Variants in PTPRN2 observed in about 807,000 individuals in gnomAD.
The protein encoded by PTPRN2 is receptor-type tyrosine-protein phosphatase N2.
A neutral mutation model predicts 118.8 loss-of-function variants in PTPRN2; 74 were observed. The ratio of observed to expected loss-of-function variants is 0.62; its 90% CI spans 0.52 to 0.76. PTPRN2 has a LOEUF of 0.76. Ranked by LOEUF, PTPRN2 falls within the 30% of genes least tolerant of loss-of-function variation. The pLI is 0.00. For missense variants in PTPRN2, 1,481 were observed against 1,394.4 expected (o/e 1.06, Z -0.99); for synonymous variants, 641 against 608.0 (o/e 1.05, Z -0.80).
intron 17 of PTPRN2, among the ~76,000 whole-genome samples, chr7:157,580,274 A>T (rs183205143): frequency 6.6e-6 from 1 of 152,308 alleles, no homozygotes; most frequent in Non-Finnish European, 1.5e-5. Flanking sequence ...GAAGTAAATA[A>T]TGACCCAGGA....
At chr7:158,414,151 T>C (rs1430288373) in intron 2 of PTPRN2, among the ~76,000 whole-genome samples, 10 of 148,990 alleles carry the variant, frequency 6.7e-5, no homozygotes, top group Admixed American at 6.7e-4. Flanking sequence ...GCAAATCCTC[T>C]ACCAAGTGAG....
chr7:157,855,131 C>T lies in PTPRN2; in HGVS notation c.1788+43542G>A, dbSNP rs180712652. On this transcript the variant is annotated intron_variant, in intron 12 of 22. Coordinates refer to ENST00000389418, the MANE Select transcript of PTPRN2 (RefSeq NM_002847.5). ...GGCCGGATCGGGGAGGATGGCTGCA[C>T]GGTTGCAGGGGTGTGTGCGGGGCCG... 3.8e-3 allele frequency among the ~76,000 whole-genome samples: 517 copies of T among 136,530 alleles called. 3 individuals carry two copies. The highest frequency in any genetic ancestry group is 5.8e-3 in the Non-Finnish European group (339 of 58,206). The allele number at this position is 136,530 out of a possible 152,430, so 89.6% of individuals were successfully genotyped here.
chr7:158,342,946 G>T (rs2151242119), intron 2 of PTPRN2, among the ~76,000 whole-genome samples: 1 of 152,292 alleles, frequency 6.6e-6, no homozygotes, highest in East Asian at 1.9e-4. Context: ...ACAAGTGCTG[G>T]GTTCTTTTCA....
At chr7:158,181,752 G>A (rs527556072) in intron 5 of PTPRN2, among the ~76,000 whole-genome samples, 8 of 152,130 alleles carry the variant, frequency 5.3e-5, no homozygotes, top group South Asian at 2.1e-4. Context: ...CATAATAGTC[G>A]TGAATAATCT....
chr7:157,670,293 T>TC, intron 13 of PTPRN2, among the ~76,000 whole-genome samples: 1 of 152,256 alleles, frequency 6.6e-6, no homozygotes, highest in South Asian at 2.1e-4. Flanking sequence ...ACCGACGTGC[T>TC]GAAACCCGAC....
rs545038713 is a variant in PTPRN2, at chr7:157,869,862, C to A, written c.1788+28811G>T. On this transcript the variant is annotated intron_variant, in intron 12 of 22. Transcript: ENST00000389418. This position sits in a 1 kb window ranked among gnomAD's most constrained non-coding sequence, Gnocchi z 4.2. ...CACATAATAAGCAGATGTTATTTTT[C>A]TCTGGCCCTCCAGAAAGTCAACATG... is the stretch of plus-strand genomic sequence containing the variant. 6.6e-6 allele frequency among the ~76,000 whole-genome samples: 1 copy of A among 152,304 alleles called. No homozygotes were observed. The highest frequency in any genetic ancestry group is 6.5e-5 in the Admixed American group (1 of 15,304).
chr7:158,428,624 A>G (rs1378581728), intron 2 of PTPRN2, among the ~76,000 whole-genome samples: 1 of 152,194 alleles, frequency 6.6e-6, no homozygotes, highest in Non-Finnish European at 1.5e-5. Flanking sequence ...CCTGCAAGGT[A>G]TCTGTCACAG....
chr7:158,053,778 TGCAGAGACTCCAGAGAC>T (rs1563365811), intron 11 of PTPRN2, among the ~76,000 whole-genome samples: 2 of 140,154 alleles, frequency 1.4e-5, no homozygotes, highest in Non-Finnish European at 3.0e-5. Flanking sequence ...ACCCCAGAAA[TGCAGAGACTCCAGAGAC>T]GCAGAGACTC....
chr7:158,387,389 C>T (rs1037875885), intron 2 of PTPRN2, among the ~76,000 whole-genome samples: 2 of 152,244 alleles, frequency 1.3e-5, no homozygotes, highest in African/African-American at 2.4e-5. Flanking sequence ...TCACTGCCTT[C>T]GCTGGGGTCT....
intron 12 of PTPRN2, among the ~76,000 whole-genome samples, chr7:157,795,425 G>C (rs949635754): frequency 6.6e-6 from 1 of 152,244 alleles, no homozygotes. Flanking sequence ...CCTCCCCAGG[G>C]GGCTGAGGCT....
chr7:158,166,840 A>C, intron 6 of PTPRN2, 91 bp downstream of exon 6: 1 of 1,366,368 alleles, frequency 7.3e-7, no homozygotes, highest in Non-Finnish European at 9.5e-7. Flanking sequence ...TGCAGACCCC[A>C]CGTGTGGGAA....
In PTPRN2 at chr7:157,614,550, A is replaced by G. The variant is rs566487628; in HGVS notation, c.2344+6812T>C. Among the ~76,000 whole-genome samples, 7 of 152,336 alleles carry G rather than the reference A, an allele frequency of 4.6e-5. No individual in the cohort carries two copies. In the East Asian group the frequency reaches 1.4e-3, roughly 29 times the overall value. ...GTGGAAAAAACAAAACAGACAACAG[A>G]TAACAGACCGTGTTGTAGAGAAAGC... On this transcript the variant is annotated intron_variant, in intron 15 of 22. Transcript: ENST00000389418.
At position 157,785,099 on chromosome 7, in the gene PTPRN2, G is replaced by A. The variant is rs765504802; in HGVS notation, c.1789-102162C>T. 5.3e-5 allele frequency among the ~76,000 whole-genome samples: 8 copies of A among 152,184 alleles called. No homozygotes were observed. Among genetic ancestry groups the A allele is most frequent in the Admixed American group, 1.3e-4 (2 of 15,290 alleles). The stretch of plus-strand genomic sequence containing the variant: ...ATAGGAGTTGAACAAAGCTGTGTGT[G>A]TGTTTCCAGAATGTTGGCACAGCGG... On this transcript the variant is annotated intron_variant, in intron 12 of 22. Coordinates refer to ENST00000389418, the MANE Select transcript of PTPRN2 (RefSeq NM_002847.5). This position sits in a 1 kb window ranked among gnomAD's most constrained non-coding sequence, Gnocchi z 7.3.
At chr7:158,198,529 T>G (rs1182229198) in intron 4 of PTPRN2, among the ~76,000 whole-genome samples, 2 of 152,200 alleles carry the variant, frequency 1.3e-5, no homozygotes, top group African/African-American at 4.8e-5. Context: ...ATATCCAACC[T>G]TCATGGCCAC....
chr7:157,693,473 A>G (rs1797619020), intron 12 of PTPRN2, among the ~76,000 whole-genome samples: 1 of 152,072 alleles, frequency 6.6e-6, no homozygotes, highest in Non-Finnish European at 1.5e-5. Flanking sequence ...CCGCTGGGGC[A>G]TTGGGGCATC....
rs544573005 is a variant in PTPRN2 at position 157,909,831 on chromosome 7, C to G, written c.1724-11094G>C. Among the ~76,000 whole-genome samples the G allele has an allele frequency of 2.6e-5, 4 of 152,338 alleles. No individual in the cohort carries two copies. In the East Asian group the frequency reaches 7.7e-4, roughly 29 times the overall value. On this transcript the variant is annotated intron_variant, in intron 11 of 22. Coordinates refer to ENST00000389418, the MANE Select transcript of PTPRN2 (RefSeq NM_002847.5). The stretch of plus-strand genomic sequence containing the variant: ...CAGTTCCACAAAGCGAGGATTTGCC[C>G]TAGTGCTTAGAACACTGTCCAGCAC...
At chr7:158,121,431 G>C (rs1425646526) in intron 9 of PTPRN2, among the ~76,000 whole-genome samples, 1 of 152,130 alleles carries the variant, frequency 6.6e-6, no homozygotes, top group Non-Finnish European at 1.5e-5. Context: ...CCTACAAACT[G>C]CAAACTCATT....
In PTPRN2 at chr7:157,810,151, C is replaced by T. The variant is rs527645581; in HGVS notation, c.1788+88522G>A. ...CTTCTGCGGAGCCATGTGAGGGCCA[C>T]GTGGAGAACACTGCAGTTCCACCTT... is the stretch of plus-strand genomic sequence containing the variant. On this transcript the variant is annotated intron_variant, in intron 12 of 22. Transcript: ENST00000389418. Among the ~76,000 whole-genome samples the T allele has an allele frequency of 5.9e-5, 9 of 152,370 alleles. No homozygotes were observed. The South Asian group carries it at 1.9e-3, about 32-fold the overall frequency.
At chr7:158,202,327 G>A (rs1040220597) in intron 4 of PTPRN2, among the ~76,000 whole-genome samples, 3 of 152,212 alleles carry the variant, frequency 2.0e-5, no homozygotes, top group African/African-American at 4.8e-5. Context: ...CTCCTGGGCA[G>A]GGCCTCATGG....
Sources: gnomAD v4.1 joint callset for allele counts (sites outside exome capture counted in the v4.1 genomes callset) on GRCh38, gnomAD v4.1.1 for gene constraint, Gnocchi (gnomAD v3.1) non-coding constraint, MANE v1.5 for transcripts, NCBI Gene and HGNC (gene_info 2026-07-23, HGNC 2026-07-21) for gene names.